Variants in CNTNAP2 observed in about 807,000 individuals in gnomAD.
CNTNAP2 encodes contactin associated protein 2.
Under a neutral mutation model 155.2 loss-of-function variants are expected in CNTNAP2, and 98 were observed. That is an observed-to-expected ratio of 0.63 (90% CI 0.54 to 0.75). The LOEUF (loss-of-function observed/expected upper bound fraction) is 0.75, where lower values mean the gene tolerates loss of function less well. Among genes scored for constraint, CNTNAP2 ranks in the 30% least tolerant of loss-of-function variants. CNTNAP2 has a pLI of 0.00. For missense variants in CNTNAP2, 1,727 were observed against 1,688.1 expected (o/e 1.02, Z -0.40); for synonymous variants, 651 against 631.2 (o/e 1.03, Z -0.47).
chr7:148,142,095 G>GTGTC (rs1053401633), intron 16 of CNTNAP2, among the ~76,000 whole-genome samples: 2 of 121,184 alleles, frequency 1.7e-5, no homozygotes, highest in African/African-American at 2.8e-5. Context: ...ATATGTCTCT[G>GTGTC]TGTGTGTGTG....
At chr7:147,112,168 C>A in intron 5 of CNTNAP2, among the ~76,000 whole-genome samples, 1 of 152,036 alleles carries the variant, frequency 6.6e-6, no homozygotes, top group East Asian at 1.9e-4. Flanking sequence ...TAATTTGACT[C>A]TCTGATTGCT....
At chr7:146,165,526 G>A (rs1798299592) in intron 1 of CNTNAP2, among the ~76,000 whole-genome samples, 1 of 152,154 alleles carries the variant, frequency 6.6e-6, no homozygotes, top group South Asian at 2.1e-4. Flanking sequence ...ATTATTAAAA[G>A]CTAAACATTT....
At chr7:146,911,282 T>A (rs1796269766) in intron 3 of CNTNAP2, among the ~76,000 whole-genome samples, 1 of 152,042 alleles carries the variant, frequency 6.6e-6, no homozygotes, top group Non-Finnish European at 1.5e-5. Flanking sequence ...GAAATACCAT[T>A]TGACCCAGCC....
chr7:146,704,496 G>A (rs900358176), intron 1 of CNTNAP2, among the ~76,000 whole-genome samples: 3 of 152,122 alleles, frequency 2.0e-5, no homozygotes, highest in Admixed American at 6.6e-5. Flanking sequence ...AGTGACTCAC[G>A]CGAAGTCAGG....
chr7:146,817,253 C>T (rs1017587991), intron 2 of CNTNAP2, among the ~76,000 whole-genome samples: 12 of 152,046 alleles, frequency 7.9e-5, no homozygotes, highest in East Asian at 5.8e-4. Flanking sequence ...AGGCAGATCA[C>T]GTGAGGCCAG....
chr7:148,024,157 T>TAAAAAAAAAAAAAAAAAAAAAAAAAA (rs34591496), intron 15 of CNTNAP2, among the ~76,000 whole-genome samples: 1 of 107,632 alleles, frequency 9.3e-6, no homozygotes, highest in African/African-American at 3.6e-5. Context: ...CTTTAAAGTG[T>TAAAAAAAAAAAAAAAAAAAAAAAAAA]AAAAAAAAAA....
At chr7:146,851,246 G>A (rs910159970) in intron 3 of CNTNAP2, among the ~76,000 whole-genome samples, 10 of 151,992 alleles carry the variant, frequency 6.6e-5, no homozygotes, top group Non-Finnish European at 1.0e-4. Context: ...CGGCCTCCCA[G>A]AGTGCTGGAA....
chr7:147,430,506 A>G (rs867922279), intron 10 of CNTNAP2, among the ~76,000 whole-genome samples: 24 of 152,174 alleles, frequency 1.6e-4, no homozygotes, highest in African/African-American at 5.8e-4. Context: ...CTAGCAATCC[A>G]ATGGGAAGAT....
At chr7:146,389,379 C>T (rs895881951) in intron 1 of CNTNAP2, among the ~76,000 whole-genome samples, 1 of 151,968 alleles carries the variant, frequency 6.6e-6, no homozygotes, top group Non-Finnish European at 1.5e-5. Flanking sequence ...TTTTCTTCTT[C>T]TTATCTCTAC....
chr7:146,695,751 G>C (rs1442749424), intron 1 of CNTNAP2, among the ~76,000 whole-genome samples: 1 of 152,040 alleles, frequency 6.6e-6, no homozygotes, highest in African/African-American at 2.4e-5. Flanking sequence ...TTACAAATAA[G>C]CATATATTTA....
At chr7:147,054,133 A>G (rs1489523811) in intron 4 of CNTNAP2, among the ~76,000 whole-genome samples, 1 of 152,110 alleles carries the variant, frequency 6.6e-6, no homozygotes, top group African/African-American at 2.4e-5. Context: ...GGCTTTTTAT[A>G]ATCTTAGTGA....
chr7:146,686,397 A>G (rs1245166792), intron 1 of CNTNAP2, among the ~76,000 whole-genome samples: 2 of 152,246 alleles, frequency 1.3e-5, no homozygotes, highest in South Asian at 2.1e-4. Context: ...ACATATTTCC[A>G]TGGCTACTTC....
At chr7:147,683,775 G>C (rs1795982320) in intron 13 of CNTNAP2, among the ~76,000 whole-genome samples, 1 of 141,832 alleles carries the variant, frequency 7.1e-6, no homozygotes, top group Non-Finnish European at 1.5e-5. Context: ...TAACCCTACA[G>C]AATCCGTCAA....
At chr7:146,776,365 C>T (rs1802390184) in intron 2 of CNTNAP2, among the ~76,000 whole-genome samples, 1 of 152,096 alleles carries the variant, frequency 6.6e-6, no homozygotes, top group Admixed American at 6.5e-5. Flanking sequence ...TTGGGCAAGT[C>T]AGGTTCTGTC....
chr7:147,509,514 C>T (rs1162275522), intron 11 of CNTNAP2, among the ~76,000 whole-genome samples: 1 of 152,146 alleles, frequency 6.6e-6, no homozygotes, highest in African/African-American at 2.4e-5. Flanking sequence ...CTTTCTCTGT[C>T]TCTTCCCTTC....
intron 1 of CNTNAP2, among the ~76,000 whole-genome samples, chr7:146,623,343 G>A (rs867065944): frequency 6.6e-6 from 1 of 151,942 alleles, no homozygotes; most frequent in Non-Finnish European, 1.5e-5. Context: ...TATGGGTTTT[G>A]ACAATTGCAT....
At chr7:147,698,363 A>G (rs922052114) in intron 13 of CNTNAP2, among the ~76,000 whole-genome samples, 2 of 152,196 alleles carry the variant, frequency 1.3e-5, no homozygotes, top group African/African-American at 2.4e-5. Context: ...GGGGTGGGAA[A>G]GAGAAGGGGC....
intron 13 of CNTNAP2, among the ~76,000 whole-genome samples, chr7:147,652,052 G>A (rs537486383): frequency 6.6e-6 from 1 of 152,286 alleles, no homozygotes; most frequent in South Asian, 2.1e-4. Context: ...CATCCTTACA[G>A]AAGCACCTAT....
intron 1 of CNTNAP2, among the ~76,000 whole-genome samples, chr7:146,549,201 T>C (rs1207362247): frequency 6.6e-6 from 1 of 151,968 alleles, no homozygotes; most frequent in Non-Finnish European, 1.5e-5. Flanking sequence ...ATGCATATGC[T>C]TAGGATGAAC....
Sources: gnomAD v4.1 joint callset for allele counts (sites outside exome capture counted in the v4.1 genomes callset) on GRCh38, gnomAD v4.1.1 for gene constraint, MANE v1.5 for transcripts, NCBI Gene and HGNC (gene_info 2026-07-23, HGNC 2026-07-21) for gene names.